The following AKAP19 variants were observed in gnomAD, a reference collection of about 807,000 sequenced individuals.
AKAP19 encodes the protein small A-kinase anchoring protein.
chr2:189,900,865 G>T, the AKAP19 span, among the ~76,000 whole-genome samples: 1 of 152,182 alleles, frequency 6.6e-6, no homozygotes, highest in Non-Finnish European at 1.5e-5. Context: ...GCTTGCTGGG[G>T]ATTTTATGGG....
At chr2:189,922,636 A>G in the AKAP19 span, among the ~76,000 whole-genome samples, 2 of 152,248 alleles carry the variant, frequency 1.3e-5, no homozygotes, top group Non-Finnish European at 2.9e-5. Flanking sequence ...TTCCCAGCTG[A>G]GGTTGAACAA....
the AKAP19 span, among the ~76,000 whole-genome samples, chr2:189,883,215 G>T: frequency 1.3e-5 from 2 of 152,132 alleles, no homozygotes; most frequent in African/African-American, 2.4e-5. Context: ...CTTCTAGTAA[G>T]TTTCCAGATG....
the AKAP19 span, among the ~76,000 whole-genome samples, chr2:190,032,155 G>T: frequency 1.3e-5 from 2 of 152,030 alleles, no homozygotes; most frequent in African/African-American, 2.4e-5. Context: ...TGTTAAGGAG[G>T]TCTTAAAAAG....
At chr2:190,008,240 A>G in the AKAP19 span, among the ~76,000 whole-genome samples, 2 of 152,236 alleles carry the variant, frequency 1.3e-5, no homozygotes, top group African/African-American at 2.4e-5. Context: ...TAAGCAAAGT[A>G]TGTAAATCCT....
the AKAP19 span, among the ~76,000 whole-genome samples, chr2:190,067,953 C>T: frequency 9.9e-5 from 15 of 152,020 alleles, no homozygotes; most frequent in African/African-American, 3.4e-4. Flanking sequence ...TGTATCACAG[C>T]ACTTTGGGAG....
the AKAP19 span, among the ~76,000 whole-genome samples, chr2:189,910,515 T>C: frequency 2.0e-5 from 3 of 151,912 alleles, no homozygotes; most frequent in Non-Finnish European, 2.9e-5. Context: ...CCTAATCAAT[T>C]GTAGTATCAT....
chr2:190,072,885 C>T, the AKAP19 span, among the ~76,000 whole-genome samples: 4 of 151,750 alleles, frequency 2.6e-5, no homozygotes, highest in African/African-American at 4.8e-5. Flanking sequence ...ATATGTATTG[C>T]TAAACAAGAA....
At chr2:190,089,090 T>G in the AKAP19 span, among the ~76,000 whole-genome samples, 2 of 152,206 alleles carry the variant, frequency 1.3e-5, no homozygotes, top group African/African-American at 4.8e-5. Flanking sequence ...CATGTTGTAG[T>G]TGATTGTGTG....
chr2:190,103,595 C>CA, the AKAP19 span, among the ~76,000 whole-genome samples: 3 of 152,060 alleles, frequency 2.0e-5, no homozygotes, highest in African/African-American at 7.2e-5. Flanking sequence ...ATAATATCCA[C>CA]AAAAAAATAA....
At chr2:189,996,652 G>A in the AKAP19 span, among the ~76,000 whole-genome samples, 2 of 151,920 alleles carry the variant, frequency 1.3e-5, no homozygotes, top group African/African-American at 4.8e-5. Context: ...AAGTCTTTTG[G>A]GGTGTTATAG....
chr2:190,038,032 A>G, the AKAP19 span, among the ~76,000 whole-genome samples: 3 of 152,130 alleles, frequency 2.0e-5, no homozygotes, highest in Non-Finnish European at 2.9e-5. Context: ...CAGAAGAATG[A>G]TGTGGCCCTC....
At chr2:190,111,845 A>T in the AKAP19 span, among the ~76,000 whole-genome samples, 1 of 152,074 alleles carries the variant, frequency 6.6e-6, no homozygotes, top group Non-Finnish European at 1.5e-5. Context: ...CACATTATAT[A>T]CTTTGTTTCT....
chr2:190,001,698 A>T, the AKAP19 span, among the ~76,000 whole-genome samples: 1 of 152,136 alleles, frequency 6.6e-6, no homozygotes, highest in Non-Finnish European at 1.5e-5. Context: ...CTGCCAGTTG[A>T]TCTATGTGTA....
At chr2:189,965,742 G>T in the AKAP19 span, among the ~76,000 whole-genome samples, 1 of 152,158 alleles carries the variant, frequency 6.6e-6, no homozygotes, top group Non-Finnish European at 1.5e-5. Context: ...ACAGTGTGGA[G>T]ATTCCTTAAA....
the AKAP19 span, among the ~76,000 whole-genome samples, chr2:190,131,990 C>A: frequency 2.4e-4 from 37 of 151,872 alleles, no homozygotes; most frequent in Non-Finnish European, 4.7e-4. Flanking sequence ...GATACAGAAT[C>A]AACATATAGA....
chr2:190,139,025 AG>A, the AKAP19 span, among the ~76,000 whole-genome samples: 138,738 of 152,236 alleles, frequency 0.91, 64,126 homozygotes, highest in East Asian at 1. Flanking sequence ...ACTATGTGCT[AG>A]GCACTTTTTA....
At chr2:190,140,589 C>A in the AKAP19 span, among the ~76,000 whole-genome samples, 1 of 152,198 alleles carries the variant, frequency 6.6e-6, no homozygotes. Flanking sequence ...CATGGCCACA[C>A]TGTACCTTGG....
the AKAP19 span, among the ~76,000 whole-genome samples, chr2:190,047,417 C>G: frequency 1.3e-5 from 2 of 152,216 alleles, no homozygotes; most frequent in Non-Finnish European, 2.9e-5. Flanking sequence ...GCGGAGGTGA[C>G]TTTCCTCACT....
the AKAP19 span, among the ~76,000 whole-genome samples, chr2:190,071,037 T>G: frequency 1.3e-5 from 2 of 152,146 alleles, no homozygotes; most frequent in South Asian, 4.1e-4. Context: ...TACTACGGCT[T>G]AGTGATGTCT....
Sources: gnomAD v4.1 joint callset for allele counts (sites outside exome capture counted in the v4.1 genomes callset) on GRCh38, gnomAD v4.1.1 for gene constraint, MANE v1.5 for transcripts, NCBI Gene and HGNC (gene_info 2026-07-23, HGNC 2026-07-21) for gene names.